TCN1: variants seen among roughly 807,000 people sequenced by gnomAD.
The protein encoded by TCN1 is transcobalamin-1.
TCN1 carries 47 observed loss-of-function variants against 46.3 expected under a neutral mutation model. The observed-to-expected ratio is 1.01, with a 90% CI of 0.80 to 1.29. The LOEUF (loss-of-function observed/expected upper bound fraction) is 1.29, where lower values mean the gene tolerates loss of function less well. TCN1 is among the 50% of genes most tolerant of loss of function. The pLI is 0.00. For synonymous variants in TCN1, 183 were observed against 192.5 expected (o/e 0.95, Z 0.41); for missense variants, 532 against 511.0 (o/e 1.04, Z -0.40).
chr11:59,857,724 G>A (rs143900101), intron 5 of TCN1, among the ~76,000 whole-genome samples: 1 of 151,872 alleles, frequency 6.6e-6, no homozygotes, highest in Admixed American at 6.6e-5. Context: ...GTAAATCAAT[G>A]GCTGAATGAA....
In TCN1 at chr11:59,862,599, G is replaced by C. The variant is rs760884477; in HGVS notation, c.383C>G (p.Ala128Gly). ...ATTCTTACCCATATTTTCAATTTCTGCTTGGAATTTATTTTCTAGCTTGTC... is the reference window on the plus strand; with the variant it reads ...ATTCTTACCCATATTTTCAATTTCTCCTTGGAATTTATTTTCTAGCTTGTC... ...LIDKLENKFQ[A>G]EIENMEAHNG... is the part of the protein sequence containing the mutation. The change falls in exon 3 of 9, where the codon GCA becomes GGA. Residue 128 changes from alanine (A) to glycine (G), a missense_variant. Physicochemically the swap from Ala to Gly is moderately conservative, Grantham distance 60. Coordinates refer to ENST00000257264, the MANE Select transcript of TCN1 (RefSeq NM_001062.4). 9 of 1,613,264 alleles carry C rather than the reference G, an allele frequency of 5.6e-6. No individual in the cohort carries two copies. The highest frequency in any genetic ancestry group is 5.1e-6 in the Non-Finnish European group (6 of 1,179,650).
At position 59,853,268 on chromosome 11, in the gene TCN1, A is replaced by G. The variant is rs781416260; in HGVS notation, c.1175T>C (p.Leu392Pro). Residue 392 changes from leucine to proline, a missense_variant, in exon 8 of 9, where the codon CTA (leucine) becomes CCA (proline). Transcript: ENST00000257264. ...WGPYITCIQGLCANNNDRTYW... is the reference protein window; with the variant it reads ...WGPYITCIQGPCANNNDRTYW... ...GGTTCTGTCATTATTGTTGGCACAT[A>G]GGCCCTGAATACAGGTGATATAGGG... is the stretch of plus-strand genomic sequence containing the variant. The G allele has an allele frequency of 1.2e-6, 2 of 1,614,012 alleles. No individual in the cohort carries two copies. Among genetic ancestry groups the G allele is most frequent in the African/African-American group, 1.3e-5 (1 of 74,904 alleles).
chr11:59,854,494 C>T (rs1649579716), intron 7 of TCN1, among the ~76,000 whole-genome samples, 158 bp downstream of exon 7: 1 of 152,144 alleles, frequency 6.6e-6, no homozygotes, highest in Non-Finnish European at 1.5e-5. Context: ...AATACCTCAC[C>T]TCCTATTTTA....
Position 59,852,918 on chromosome 11 carries a change from T to A in TCN1, c.*57A>T. 1.3e-6 allele frequency: 2 copies of A among 1,506,452 alleles called. No homozygotes were observed. The highest frequency in any genetic ancestry group is 1.8e-6 in the Non-Finnish European group (2 of 1,082,014). The allele number at this position is 1,506,452 out of a possible 1,614,324, so 93.3% of individuals were successfully genotyped here. A position where few individuals can be genotyped will look rare whatever the true frequency, so the allele number is the denominator to read the frequency against. On this transcript the variant is annotated 3_prime_UTR_variant, in exon 9 of 9. Transcript: ENST00000257264. Reference sequence around the variant, plus strand: ...AATGAAGAAGAAGGCATAAGGACAATAAACATGGAACTCCACTGCAAATGG... The same window carrying A: ...AATGAAGAAGAAGGCATAAGGACAAAAAACATGGAACTCCACTGCAAATGG...
rs1853016790 is a variant in TCN1 at position 59,861,681 on chromosome 11, T to C, written c.402A>G (p.Glu134=). The C allele has an allele frequency of 6.2e-7, 1 of 1,614,092 alleles. No individual in the cohort carries two copies. The highest frequency in any genetic ancestry group is 1.1e-5 in the South Asian group (1 of 91,084). ...TAGTCAGGGGAGTGCCATTGTGTGC[T>C]TCTAGAAAAGAGAAGAAATACCTCC... is the stretch of plus-strand genomic sequence containing the variant. ...NKFQAEIENM[E]AHNGTPLTNY... Residue 134 remains glutamate, a splice_region_variant and synonymous_variant, in exon 4 of 9, where the codon GAA becomes GAG. Transcript: ENST00000257264.
Position 59,862,724 on chromosome 11 carries a change from T to C in TCN1, c.260-2A>G. Reference sequence around the variant, plus strand: ...GCTCTCCCGAGCTTACATCTGACACTGAAAAGAAAAGTATTCAAGCTTAAT... The same window carrying C: ...GCTCTCCCGAGCTTACATCTGACACCGAAAAGAAAAGTATTCAAGCTTAAT... On this transcript the variant is annotated splice_acceptor_variant, in intron 2 of 8. Coordinates refer to ENST00000257264, the MANE Select transcript of TCN1 (RefSeq NM_001062.4). LOFTEE classifies it high-confidence loss of function. The C allele has an allele frequency of 6.2e-7, 1 of 1,613,372 alleles. No individual in the cohort carries two copies. The highest frequency in any genetic ancestry group is 8.5e-7 in the Non-Finnish European group (1 of 1,179,702).
chr11:59,866,427 A>G lies in TCN1; in HGVS notation c.44T>C (p.Phe15Ser). 1 of 1,613,580 alleles carries G rather than the reference A, an allele frequency of 6.2e-7. No homozygotes were observed. Among genetic ancestry groups the G allele is most frequent in the Non-Finnish European group, 8.5e-7 (1 of 1,179,556 alleles). ...HQLPLVGLLL[F>S]SFIPSQLCEI... ...GCATAGTTGGCTTGGAATAAAAGAAAACAGTAAGAGCCCCACTAGGGGCAG... is the reference window on the plus strand; with the variant it reads ...GCATAGTTGGCTTGGAATAAAAGAAGACAGTAAGAGCCCCACTAGGGGCAG... The change falls in exon 1 of 9, where the codon TTT becomes TCT. Residue 15 changes from phenylalanine (F) to serine (S), a missense_variant. Phe to Ser is a radical substitution (Grantham distance 155). Coordinates refer to ENST00000257264, the MANE Select transcript of TCN1 (RefSeq NM_001062.4).
intron 7 of TCN1, 78 bp from the exon 8 acceptor site, chr11:59,853,399 A>G: frequency 8.1e-7 from 1 of 1,234,974 alleles, no homozygotes; most frequent in Non-Finnish European, 1.2e-6. Context: ...TCAAACTTTA[A>G]TGTACCTGAG....
Position 59,864,038 on chromosome 11 carries a change from AT to A in TCN1, c.127del (p.Met43Ter), listed in dbSNP as rs1391494305. 1 of 1,613,828 alleles carries A rather than the reference AT, an allele frequency of 6.2e-7. No individual in the cohort carries two copies. The highest frequency in any genetic ancestry group is 8.5e-7 in the Non-Finnish European group (1 of 1,179,816). ...YIRLKPLLNTMIQSNYNRGTS... is the reference protein window; with the variant it reads ...YIRLKPLLNTXIQSNYNRGTS... ...TCCCCTGTTATAGTTTGACTGGATC[AT>A]TGTATTCAACAGAGGTTTTAGGCGG... On this transcript the variant is annotated frameshift_variant, in exon 2 of 9. Transcript: ENST00000257264. LOFTEE classifies it high-confidence loss of function.
intron 1 of TCN1, among the ~76,000 whole-genome samples, chr11:59,865,494 C>T (rs2135112072): frequency 6.6e-6 from 1 of 152,220 alleles, no homozygotes; most frequent in South Asian, 2.1e-4. Flanking sequence ...TATGCTTTAG[C>T]CTGTATGTAT....
intron 2 of TCN1, 27 bp from the exon 3 acceptor site, chr11:59,862,749 T>C (rs1472220581): frequency 1.9e-6 from 3 of 1,612,008 alleles, no homozygotes; most frequent in Non-Finnish European, 2.5e-6. Flanking sequence ...TCAAGCTTAA[T>C]AAGGTACAGG....
Position 59,852,844 on chromosome 11 carries a change from T to C in TCN1, c.*131A>G, listed in dbSNP as rs759310048. The C allele has an allele frequency of 4.8e-6, 4 of 838,402 alleles. No individual in the cohort carries two copies. Among genetic ancestry groups the C allele is most frequent in the Non-Finnish European group, 4.2e-6 (2 of 478,170 alleles). The allele number at this position is 838,402 out of a possible 1,614,324, so 51.9% of individuals were successfully genotyped here. On this transcript the variant is annotated 3_prime_UTR_variant, in exon 9 of 9. Transcript: ENST00000257264. ...ATCTTTCAACAACTTTTATTGAACATGTAGAGAGAGAAGGGGAGGTTATTA... is the reference window on the plus strand; with the variant it reads ...ATCTTTCAACAACTTTTATTGAACACGTAGAGAGAGAAGGGGAGGTTATTA...
At chr11:59,855,843 C>G (rs773495086) in intron 6 of TCN1, 26 bp downstream of exon 6, 4 of 1,612,982 alleles carry the variant, frequency 2.5e-6, no homozygotes, top group East Asian at 2.2e-5. Context: ...AAAAGCGAAA[C>G]AGTGTGCTCT....
chr11:59,860,692 T>A (rs1853007402), intron 4 of TCN1, among the ~76,000 whole-genome samples: 1 of 152,034 alleles, frequency 6.6e-6, no homozygotes, highest in Admixed American at 6.6e-5. Context: ...CTTTACAGAG[T>A]TGTTGCCCAG....
intron 8 of TCN1, 78 bp from the exon 9 acceptor site, chr11:59,853,114 A>G (rs1866685063): frequency 1.3e-6 from 2 of 1,598,664 alleles, no homozygotes; most frequent in East Asian, 4.5e-5. Context: ...CATCTCTACT[A>G]ACCCCTTGGC....
chr11:59,854,653 CA>C lies in TCN1; in HGVS notation c.1119del (p.Phe373LeufsTer33). 6.2e-7 allele frequency: 1 copy of C among 1,613,610 alleles called. No homozygotes were observed. Among genetic ancestry groups the C allele is most frequent in the South Asian group, 1.1e-5 (1 of 91,014 alleles). On this transcript the variant is annotated frameshift_variant and splice_region_variant, in exon 7 of 9. Coordinates refer to ENST00000257264, the MANE Select transcript of TCN1 (RefSeq NM_001062.4). LOFTEE classifies it high-confidence loss of function. ...ACCTTAGGTTAGGTACAGACCTACC[CA>C]AATATAGTATCATTCATTTTCTGGG... Reference protein sequence around the residue: ...EKAQKMNDTIFGFTMEERSWG... With the variant: ...EKAQKMNDTIXGFTMEERSWG...
At chr11:59,861,796 T>C in intron 3 of TCN1, 114 bp from the exon 4 acceptor site, 1 of 1,256,582 alleles carries the variant, frequency 8.0e-7, no homozygotes, top group Admixed American at 2.0e-5. Context: ...GAAAGGTGGC[T>C]AATAGAAGGG....
chr11:59,859,907 A>T (rs1852998590), intron 4 of TCN1, among the ~76,000 whole-genome samples: 1 of 152,208 alleles, frequency 6.6e-6, no homozygotes, highest in African/African-American at 2.4e-5. Context: ...TGCTGCCTGA[A>T]CTGTCTGAAG....
At chr11:59,863,834 T>A in intron 2 of TCN1, 73 bp downstream of exon 2, 1 of 1,563,906 alleles carries the variant, frequency 6.4e-7, no homozygotes. Context: ...GCATAATTTT[T>A]TAGGATTAGT....
Sources: allele counts gnomAD v4.1 joint callset (sites outside exome capture counted in the v4.1 genomes callset), GRCh38; gene constraint gnomAD v4.1.1; transcripts MANE v1.5; gene names NCBI Gene and HGNC (gene_info 2026-07-23, HGNC 2026-07-21).